TMEM230: variants seen among roughly 807,000 people sequenced by gnomAD.
TMEM230 encodes transmembrane protein 230, also known as UPF0414 transmembrane protein C20orf30.
A neutral mutation model predicts 15.8 loss-of-function variants in TMEM230; 10 were observed. The ratio of observed to expected loss-of-function variants is 0.63; its 90% confidence interval spans 0.39 to 1.07. TMEM230 has a LOEUF of 1.07. TMEM230 is among the 50% of genes least tolerant of loss of function. The pLI is 0.01. For synonymous variants in TMEM230, 67 were observed against 76.9 expected (o/e 0.87, Z 0.68); for missense variants, 165 against 193.3 (o/e 0.85, Z 0.87).
At chr20:5,064,370 A>C (rs1205028640), downstream of TMEM230, among the ~76,000 whole-genome samples, 2 of 152,056 alleles carry the variant, frequency 1.3e-5, no homozygotes, top group East Asian at 3.9e-4. Flanking sequence ...TGAGTTCGAG[A>C]GTTCAAGACC....
intron 3 of TMEM230, among the ~76,000 whole-genome samples, chr20:5,084,705 T>C (rs982152591): frequency 6.6e-6 from 1 of 152,184 alleles, no homozygotes; most frequent in African/African-American, 2.4e-5. Context: ...AGCTAATTTT[T>C]GTATTTTTAG....
chr20:5,111,911 A>G, intron 1 of TMEM230: 1 of 408,922 alleles, frequency 2.4e-6, no homozygotes, highest in Non-Finnish European at 3.3e-6. Flanking sequence ...TAGGGACCCG[A>G]TCTCAGCTCA....
At chr20:5,112,179 A>C (rs2090353682) in intron 1 of TMEM230, among the ~76,000 whole-genome samples, 6 of 152,242 alleles carry the variant, frequency 3.9e-5, no homozygotes, top group Admixed American at 3.9e-4. Flanking sequence ...AATGTAAAAT[A>C]ACTAGCATAA....
intron 1 of TMEM230, chr20:5,112,620 C>G (rs1304892958): frequency 1.7e-6 from 2 of 1,162,374 alleles, no homozygotes; most frequent in African/African-American, 1.6e-5. Flanking sequence ...AGGCTTTTTA[C>G]CAGCTCACCG....
At chr20:5,096,718 G>A (rs2089674945), downstream of TMEM230, among the ~76,000 whole-genome samples, 1 of 152,210 alleles carries the variant, frequency 6.6e-6, no homozygotes, top group Non-Finnish European at 1.5e-5. Context: ...TAGGCAGCTG[G>A]TGGAAGGCCA....
intron 3 of TMEM230, among the ~76,000 whole-genome samples, chr20:5,077,353 C>G (rs1309163888): frequency 6.6e-6 from 1 of 152,038 alleles, no homozygotes; most frequent in African/African-American, 2.4e-5. Flanking sequence ...TACTGAGTCC[C>G]AGCTATCTGA....
rs756696362 is a variant in TMEM230 at position 5,100,892 on chromosome 20, G to GA, written c.450dup (p.Leu151SerfsTer26). On this transcript the variant is annotated frameshift_variant, in exon 5 of 5. Transcript: ENST00000342308. LOFTEE classifies it high-confidence loss of function. ...TGGTAAAATCCGGGTAGGAACACCA[G>GA]AATGCCAATGATCAGCACTGGAACG... is the stretch of plus-strand genomic sequence containing the variant. The GA allele has an allele frequency of 1.7e-5, 28 of 1,614,210 alleles. No individual in the cohort carries two copies. In the South Asian group the frequency reaches 3.0e-4, roughly 17 times the overall value.
At chr20:5,098,698 A>G (rs1037477364), downstream of TMEM230, among the ~76,000 whole-genome samples, 1 of 152,114 alleles carries the variant, frequency 6.6e-6, no homozygotes, top group Non-Finnish European at 1.5e-5. Context: ...TTCTGCTCTG[A>G]TCCTATGACT....
chr20:5,069,814 A>G (rs1362822084), intron 3 of TMEM230, among the ~76,000 whole-genome samples: 1 of 151,884 alleles, frequency 6.6e-6, no homozygotes, highest in Non-Finnish European at 1.5e-5. Context: ...GGTTCAAGTG[A>G]TTCTTGTGCC....
intron 3 of TMEM230, among the ~76,000 whole-genome samples, chr20:5,076,533 T>C (rs1203362502): frequency 2.6e-5 from 4 of 152,002 alleles, no homozygotes; most frequent in African/African-American, 7.2e-5. Context: ...AGTGAGACTC[T>C]ATCTCAAAAA....
chr20:5,067,453 A>G (rs1299374848), downstream of TMEM230: 4 of 77,422 alleles, frequency 5.2e-5, no homozygotes, highest in East Asian at 4.9e-4. Flanking sequence ...ATATATATAT[A>G]TATATATTTT....
At chr20:5,069,331 G>A (rs907868028) in exon 4 of TMEM230, 29 of 1,534,632 alleles carry the variant, frequency 1.9e-5, no homozygotes, top group Middle Eastern at 1.7e-4. Flanking sequence ...TTTTGTTCCC[G>A]TGAGGTGGAT....
At chr20:5,102,671 C>T (rs1402965654) in intron 4 of TMEM230, among the ~76,000 whole-genome samples, 2 of 128,190 alleles carry the variant, frequency 1.6e-5, no homozygotes, top group African/African-American at 5.9e-5. Flanking sequence ...ACCTGCATGA[C>T]AGATGAGACC....
At chr20:5,068,110 C>G (rs2088707022), downstream of TMEM230, 1 of 152,164 alleles carries the variant, frequency 6.6e-6, no homozygotes, top group South Asian at 2.1e-4. Context: ...CAAGGTCGTT[C>G]TCTTCAAGTT....
Position 5,100,485 on chromosome 20 carries a change from A to G in TMEM230, c.*306T>C. 2.8e-6 allele frequency: 3 copies of G among 1,070,966 alleles called. No individual in the cohort carries two copies. Among genetic ancestry groups the G allele is most frequent in the Non-Finnish European group, 2.3e-6 (2 of 883,030 alleles). 66.3% of individuals were successfully genotyped at this position (1,070,966 alleles called of 1,614,324 possible). A position where few individuals can be genotyped will look rare whatever the true frequency, so the allele number is the denominator to read the frequency against. ...TTGGCAATGAAGACTATTTAAAAGAAATGCTCAGCTCTACAGAGGGTGGTG... is the reference window on the plus strand; with the variant it reads ...TTGGCAATGAAGACTATTTAAAAGAGATGCTCAGCTCTACAGAGGGTGGTG... On this transcript the variant is annotated 3_prime_UTR_variant, in exon 5 of 5. Transcript: ENST00000342308.
At chr20:5,062,991 A>G in the TMEM230 span, among the ~76,000 whole-genome samples, 8 of 152,164 alleles carry the variant, frequency 5.3e-5, no homozygotes, top group South Asian at 1.7e-3. Context: ...CTGCATTCTG[A>G]GCACCATATT....
chr20:5,063,438 C>T (rs892333416), downstream of TMEM230, among the ~76,000 whole-genome samples: 1 of 151,910 alleles, frequency 6.6e-6, no homozygotes, highest in African/African-American at 2.4e-5. Context: ...CAGGGGTGCA[C>T]CACCGCACCT....
chr20:5,072,224 TA>T (rs1295746892), intron 3 of TMEM230, among the ~76,000 whole-genome samples: 1 of 152,082 alleles, frequency 6.6e-6, no homozygotes, highest in African/African-American at 2.4e-5. Context: ...CTGATTTTTG[TA>T]TTTTTTTGTA....
chr20:5,101,302 C>T (rs8117160), intron 4 of TMEM230, among the ~76,000 whole-genome samples: 3,030 of 152,264 alleles, frequency 0.02, 95 homozygotes, highest in African/African-American at 0.069. Context: ...ACAGTTTTAC[C>T]TAACTGCCCC....
Sources: gnomAD v4.1 joint callset for allele counts (sites outside exome capture counted in the v4.1 genomes callset) on GRCh38, gnomAD v4.1.1 for gene constraint, MANE v1.5 for transcripts, NCBI Gene and HGNC (gene_info 2026-07-23, HGNC 2026-07-21) for gene names.